ABR: variants seen among roughly 807,000 people sequenced by gnomAD.
ABR encodes active breakpoint cluster region-related protein.
Under a neutral mutation model 107.2 loss-of-function variants are expected in ABR, and 35 were observed. The observed-to-expected ratio is 0.33, with a 90% CI of 0.25 to 0.43. The LOEUF (loss-of-function observed/expected upper bound fraction) is 0.43, where lower values mean the gene tolerates loss of function less well. Ranked by LOEUF, ABR falls within the 20% of genes least tolerant of loss-of-function variation. The pLI is 1.00. For synonymous variants in ABR, 498 were observed against 462.0 expected (o/e 1.08, Z -1.00); for missense variants, 815 against 1,115.2 (o/e 0.73, Z 3.83).
At chr17:1,212,523 G>A (rs2042922179) in intron 1 of ABR, among the ~76,000 whole-genome samples, 1 of 152,314 alleles carries the variant, frequency 6.6e-6, no homozygotes, top group South Asian at 2.1e-4. Flanking sequence ...GAGAGGCTGA[G>A]GCGGGCGGAT....
chr17:1,073,966 C>G (rs1342023181), intron 6 of ABR, among the ~76,000 whole-genome samples: 3 of 140,872 alleles, frequency 2.1e-5, no homozygotes, highest in Non-Finnish European at 4.7e-5. Flanking sequence ...CTCCCCAGGC[C>G]TGTCCTGGCC....
intron 2 of ABR, among the ~76,000 whole-genome samples, chr17:1,117,932 T>C (rs1335071645): frequency 7.2e-4 from 48 of 66,880 alleles, no homozygotes; most frequent in Admixed American, 6.9e-4. Flanking sequence ...CCTGAGTTCC[T>C]CCCAGCGTTA....
intron 16 of ABR, among the ~76,000 whole-genome samples, chr17:1,034,278 G>A (rs59143858): frequency 0.026 from 3,925 of 152,244 alleles, 117 homozygotes; most frequent in African/African-American, 0.073. Flanking sequence ...TAGAGGTAGT[G>A]ACTGAGGGCC....
intron 1 of ABR, among the ~76,000 whole-genome samples, chr17:1,213,228 G>A (rs2042936444): frequency 6.6e-6 from 1 of 152,206 alleles, no homozygotes. Flanking sequence ...TGCAGATTCT[G>A]TTTTTCTCCC....
intron 1 of ABR, among the ~76,000 whole-genome samples, chr17:1,126,857 C>T (rs757203432): frequency 2.6e-5 from 4 of 152,224 alleles, no homozygotes; most frequent in Non-Finnish European, 4.4e-5. Flanking sequence ...GGCAGGCTCT[C>T]GGGGAAAGTG....
At chr17:1,073,514 C>T in intron 7 of ABR, 111 bp downstream of exon 7, 3 of 878,670 alleles carry the variant, frequency 3.4e-6, no homozygotes, top group South Asian at 7.8e-5. Flanking sequence ...CCTAGGAACC[C>T]CTGATTCCCC....
At position 1,062,382 on chromosome 17, in the gene ABR, G is replaced by A. The variant is rs1185970466; in HGVS notation, c.1183-3515C>T. On this transcript the variant is annotated intron_variant, in intron 10 of 22. Coordinates refer to ENST00000302538, the MANE Select transcript of ABR (RefSeq NM_021962.5). ...AGACGCTGCTGTTATGTGAACTGAGGGCTATGCATGTTCCTCTAGACACTG... is the reference window on the plus strand; with the variant it reads ...AGACGCTGCTGTTATGTGAACTGAGAGCTATGCATGTTCCTCTAGACACTG... Among the ~76,000 whole-genome samples the A allele has an allele frequency of 4.7e-5, 7 of 147,714 alleles. 1 individual carries two copies. Among genetic ancestry groups the A allele is most frequent in the Non-Finnish European group, 7.5e-5 (5 of 66,390 alleles).
At chr17:1,038,721 G>C (rs1002565139) in intron 16 of ABR, among the ~76,000 whole-genome samples, 2 of 152,236 alleles carry the variant, frequency 1.3e-5, no homozygotes, top group Non-Finnish European at 2.9e-5. Flanking sequence ...GTGGCCGCAG[G>C]CTTGAGGGAG....
chr17:1,174,069 A>T (rs1004514591), intron 1 of ABR, among the ~76,000 whole-genome samples: 2 of 151,982 alleles, frequency 1.3e-5, no homozygotes, highest in Admixed American at 6.6e-5. Context: ...CTTCCATCCT[A>T]CTCGCAAGAG....
chr17:1,165,679 C>A (rs2151581991), intron 1 of ABR, among the ~76,000 whole-genome samples: 1 of 152,180 alleles, frequency 6.6e-6, no homozygotes, highest in Admixed American at 6.5e-5. Context: ...TTACAGGCAT[C>A]CACCACCACG....
intron 22 of ABR, 121 bp from the exon 23 acceptor site, chr17:1,006,290 G>A (rs1291317408): frequency 1.8e-5 from 16 of 896,436 alleles, no homozygotes; most frequent in Non-Finnish European, 1.7e-5. Flanking sequence ...CCTTCCTGGG[G>A]AGCCCAGGTG....
chr17:1,193,339 C>A (rs58684065), intron 1 of ABR, among the ~76,000 whole-genome samples: 2 of 151,648 alleles, frequency 1.3e-5, no homozygotes, highest in African/African-American at 2.4e-5. Flanking sequence ...GAACGCCCTT[C>A]GGCCGACGTG....
intron 16 of ABR, among the ~76,000 whole-genome samples, chr17:1,043,047 T>C (rs2044740955): frequency 6.6e-6 from 1 of 150,768 alleles, no homozygotes; most frequent in African/African-American, 2.4e-5. Context: ...GGTGCAGGAG[T>C]GGGGAGTTAT....
intron 2 of ABR, among the ~76,000 whole-genome samples, chr17:1,113,202 G>T (rs540795738): frequency 6.6e-6 from 1 of 152,120 alleles, no homozygotes; most frequent in Non-Finnish European, 1.5e-5. Context: ...GCCGTACTGG[G>T]GAGGGGAGCA....
intron 9 of ABR, among the ~76,000 whole-genome samples, chr17:1,069,241 G>A (rs185495472): frequency 6.6e-6 from 1 of 152,274 alleles, no homozygotes; most frequent in African/African-American, 2.4e-5. Flanking sequence ...GCAGGAGTCG[G>A]ACCTCATGCT....
chr17:1,115,008 A>C (rs1205533266), intron 2 of ABR, among the ~76,000 whole-genome samples: 2 of 152,306 alleles, frequency 1.3e-5, no homozygotes, highest in East Asian at 3.9e-4. Flanking sequence ...CAATTCTAGC[A>C]CGGAGTTGGT....
chr17:1,027,175 T>G lies in ABR; in HGVS notation c.1792-14011A>C, dbSNP rs1049835431. Among the ~76,000 whole-genome samples the G allele has an allele frequency of 1.3e-5, 2 of 152,218 alleles. No individual in the cohort carries two copies. Among genetic ancestry groups the G allele is most frequent in the African/African-American group, 4.8e-5 (2 of 41,456 alleles). ...CAGCTTTGGCCTTTGAGGAACCCCC[T>G]TGATTGGCAGGTTCTCCTCTCCCTG... On this transcript the variant is annotated intron_variant, in intron 16 of 22. Coordinates refer to ENST00000302538, the MANE Select transcript of ABR (RefSeq NM_021962.5). The surrounding 1 kb of genome is among the most constrained non-coding windows in gnomAD (Gnocchi z 4.7).
At chr17:1,125,994 C>T (rs967253250) in intron 1 of ABR, among the ~76,000 whole-genome samples, 7 of 152,130 alleles carry the variant, frequency 4.6e-5, no homozygotes, top group Admixed American at 6.5e-5. Flanking sequence ...GCAGACTCCT[C>T]GGAGCCGGTG....
Position 1,071,670 on chromosome 17 carries a change from C to G in ABR, c.894+944G>C, listed in dbSNP as rs556966359. Reference sequence around the variant, plus strand: ...CCCGCAAGCCACTGCGTGTGCAGGCCGAGCTGAAGCAGCTCCAAGCTCCTG... The same window carrying G: ...CCCGCAAGCCACTGCGTGTGCAGGCGGAGCTGAAGCAGCTCCAAGCTCCTG... On this transcript the variant is annotated intron_variant, in intron 8 of 22. Transcript: ENST00000302538. This position sits in a 1 kb window ranked among gnomAD's most constrained non-coding sequence, Gnocchi z 5.1. Among the ~76,000 whole-genome samples the G allele has an allele frequency of 1.3e-5, 2 of 152,342 alleles. No individual in the cohort carries two copies. The highest frequency in any genetic ancestry group is 2.9e-5 in the Non-Finnish European group (2 of 68,028).
Sources: allele counts gnomAD v4.1 joint callset (sites outside exome capture counted in the v4.1 genomes callset), GRCh38; gene constraint gnomAD v4.1.1; non-coding constraint Gnocchi (gnomAD v3.1); transcripts MANE v1.5; gene names NCBI Gene and HGNC (gene_info 2026-07-23, HGNC 2026-07-21).